The following DMD variants were observed in gnomAD, a reference collection of about 807,000 sequenced individuals.
The protein encoded by DMD is dystrophin, also known as mutant dystrophin.
Under a neutral mutation model 330.1 loss-of-function variants are expected in DMD, and 63 were observed. The observed-to-expected ratio is 0.19, with a 90% CI of 0.16 to 0.24. DMD has a LOEUF of 0.24. DMD is among the 10% of genes least tolerant of loss of function. The pLI is 1.00. For missense variants in DMD, 3,344 were observed against 2,684.1 expected, an observed-to-expected ratio of 1.25 and a Z score of -5.43; for synonymous variants, 1,223 against 959.8, an observed-to-expected ratio of 1.27 and a Z score of -5.07.
intron 44 of DMD, among the ~76,000 whole-genome samples, chrX:32,017,717 G>A (rs1484303046): frequency 8.9e-6 from 1 of 111,761 alleles, no homozygotes; most frequent in Non-Finnish European, 1.9e-5. Flanking sequence ...TCCTGGTGTA[G>A]TGCCTTTCAG....
At chrX:31,686,378 G>A (rs772755369) in intron 52 of DMD, among the ~76,000 whole-genome samples, 60 of 111,915 alleles carry the variant, frequency 5.4e-4, no homozygotes, top group Non-Finnish European at 8.5e-4. Context: ...TTTGTTTGTT[G>A]CATTTCAAGT....
In DMD at chrX:32,573,850, G is replaced by C. The variant is rs377223643; in HGVS notation, c.1603-4C>G. On this transcript the variant is annotated splice_polypyrimidine_tract_variant and splice_region_variant and intron_variant, in intron 13 of 78. Transcript: ENST00000357033. ...TTGCCCATCGATCTCCCAATACCTGGAGAAGAGACAATCAAGCACAGCATC... is the reference window on the plus strand; with the variant it reads ...TTGCCCATCGATCTCCCAATACCTGCAGAAGAGACAATCAAGCACAGCATC... The C allele has an allele frequency of 8.4e-6, 10 of 1,192,018 alleles. No homozygotes were observed. The highest frequency in any genetic ancestry group is 2.2e-5 in the Admixed American group (1 of 45,574).
intron 1 of DMD, among the ~76,000 whole-genome samples, chrX:33,288,676 C>T (rs1265383859): frequency 1.8e-5 from 2 of 111,393 alleles, no homozygotes; most frequent in African/African-American, 3.3e-5. Flanking sequence ...TCCCTAAGTT[C>T]GCTAATTCTT....
chrX:33,124,476 G>GA (rs56147804), intron 1 of DMD, among the ~76,000 whole-genome samples: 30 of 16,132 alleles, frequency 1.9e-3, no homozygotes, highest in Non-Finnish European at 2.1e-3. Flanking sequence ...GACTCTGTCT[G>GA]AAAAAAAAAA....
At position 32,644,209 on chromosome X, in the gene DMD, A is replaced by C. The variant is rs777002544; in HGVS notation, c.1254T>G (p.Thr418=). Residue 418 remains threonine (T), a synonymous_variant, in exon 11 of 79, where the codon ACT becomes ACG. Transcript: ENST00000357033. ...GTGKLSEDEE[T]EVQEQMNLLN... ...GGAGATTCATCTGCTCTTGTACTTC[A>C]GTTTCTTCATCTTCTGATAATTTTC... is the stretch of plus-strand genomic sequence containing the variant. 1.7e-6 allele frequency: 2 copies of C among 1,210,092 alleles called. No individual in the cohort carries two copies. The highest frequency in any genetic ancestry group is 1.1e-6 in the Non-Finnish European group (1 of 894,164).
At chrX:32,885,355 G>A (rs959381337) in intron 2 of DMD, among the ~76,000 whole-genome samples, 2 of 111,348 alleles carry the variant, frequency 1.8e-5, no homozygotes, top group Non-Finnish European at 3.8e-5. Flanking sequence ...GAGAATGAAA[G>A]GTAAGTTTAT....
chrX:32,890,947 G>A (rs1184133594), intron 2 of DMD, among the ~76,000 whole-genome samples: 2 of 112,200 alleles, frequency 1.8e-5, no homozygotes, highest in Non-Finnish European at 3.8e-5. Context: ...CAGATGTGCT[G>A]TAAATGTAAA....
At chrX:32,739,771 T>C (rs182553829) in intron 7 of DMD, among the ~76,000 whole-genome samples, 180 of 110,917 alleles carry the variant, frequency 1.6e-3, no homozygotes, top group African/African-American at 5.6e-3. Flanking sequence ...TCTCATAGTG[T>C]GGTTCTCAGA....
intron 47 of DMD, among the ~76,000 whole-genome samples, chrX:31,896,885 G>C (rs1231744641): frequency 9.0e-6 from 1 of 111,077 alleles, no homozygotes; most frequent in African/African-American, 3.3e-5. Context: ...GTTTCTGATA[G>C]AACAACATTT....
In DMD at chrX:31,463,211, A is replaced by G. The variant is rs1045632603; in HGVS notation, c.8937+14895T>C. ...ACTGAAGTAAATAAGTTTAAGAATCACTGCTCTCGGAAGATGCTTTTAAAT... is the reference window on the plus strand; with the variant it reads ...ACTGAAGTAAATAAGTTTAAGAATCGCTGCTCTCGGAAGATGCTTTTAAAT... On this transcript the variant is annotated intron_variant, in intron 59 of 78. Coordinates refer to ENST00000357033, the MANE Select transcript of DMD (RefSeq NM_004006.3). Among the ~76,000 whole-genome samples the G allele has an allele frequency of 4.5e-5, 5 of 112,169 alleles. No homozygotes were observed. The East Asian group carries it at 1.4e-3, about 31-fold the overall frequency.
rs924769469 is a variant in DMD, at chrX:31,883,483, T to C, written c.6913-8110A>G. On this transcript the variant is annotated intron_variant, in intron 47 of 78. Coordinates refer to ENST00000357033, the MANE Select transcript of DMD (RefSeq NM_004006.3). ...TTTCTATGTGTCTTTATACTTCAGT[T>C]TAGAAAATTTGATAAAACTACTTTA... Among the ~76,000 whole-genome samples, 8 of 111,530 alleles carry C rather than the reference T, an allele frequency of 7.2e-5. No individual in the cohort carries two copies. The East Asian group carries it at 2.3e-3, about 31-fold the overall frequency.
chrX:32,390,264 C>T (rs185055582), intron 30 of DMD, 83 bp from the exon 31 acceptor site: 2 of 684,537 alleles, frequency 2.9e-6, no homozygotes, highest in East Asian at 6.8e-5. Context: ...AGAAACTCTC[C>T]TCAACCACCT....
chrX:31,396,554 T>G (rs1431390599), intron 60 of DMD, among the ~76,000 whole-genome samples: 26 of 72,476 alleles, frequency 3.6e-4, no homozygotes, highest in African/African-American at 1.4e-3. Flanking sequence ...CAGGGTTTTT[T>G]TTTTTTTTTT....
chrX:32,195,542 A>G (rs753820124), intron 44 of DMD, among the ~76,000 whole-genome samples: 5 of 112,515 alleles, frequency 4.4e-5, no homozygotes, highest in African/African-American at 1.6e-4. Context: ...GTTTGCATTT[A>G]TATTTATTGA....
chrX:31,293,218 T>TGTGTGTAGTCTGGTTTA (rs2053889533), intron 62 of DMD, among the ~76,000 whole-genome samples: 34 of 95,906 alleles, frequency 3.5e-4, no homozygotes, highest in African/African-American at 1.5e-3. Context: ...TGTGTGTGTG[T>TGTGTGTAGTCTGGTTTA]GTGTGTGTGT....
intron 48 of DMD, among the ~76,000 whole-genome samples, chrX:31,861,736 T>TACAC (rs753295784): frequency 0.028 from 2,159 of 76,816 alleles, 54 homozygotes; most frequent in African/African-American, 0.053. Context: ...AAGAGTGCTA[T>TACAC]ACACACACAC....
In DMD at chrX:32,377,987, T is replaced by C. The variant is rs150504477; in HGVS notation, c.4845+2523A>G. Among the ~76,000 whole-genome samples the C allele has an allele frequency of 3.6e-3, 400 of 111,273 alleles. 2 individuals carry two copies. The highest frequency in any genetic ancestry group is 5.4e-3 in the Non-Finnish European group (285 of 52,890). ...AATTTTTCTTTTTCATGGAGCCATG[T>C]TGGTAGAAAAAAATAAACATTCTTA... On this transcript the variant is annotated intron_variant, in intron 34 of 78. Coordinates refer to ENST00000357033, the MANE Select transcript of DMD (RefSeq NM_004006.3).
intron 9 of DMD, among the ~76,000 whole-genome samples, chrX:32,665,669 A>AT (rs930093845): frequency 4.5e-5 from 5 of 112,046 alleles, no homozygotes; most frequent in Non-Finnish European, 7.5e-5. Flanking sequence ...ATGTGCTCTC[A>AT]TAAGAACACG....
chrX:31,676,460 T>A (rs901697561), intron 53 of DMD, among the ~76,000 whole-genome samples: 2 of 112,161 alleles, frequency 1.8e-5, no homozygotes, highest in African/African-American at 6.5e-5. Flanking sequence ...TAATATGAAA[T>A]TTTTTTTCGC....
Sources: allele counts gnomAD v4.1 joint callset (sites outside exome capture counted in the v4.1 genomes callset), GRCh38; gene constraint gnomAD v4.1.1; transcripts MANE v1.5; gene names NCBI Gene and HGNC (gene_info 2026-07-23, HGNC 2026-07-21).